Variants in NBEAL1 observed in about 807,000 individuals in gnomAD.
NBEAL1 encodes neurobeachin-like protein 1.
In NBEAL1, 273 loss-of-function variants were observed where a neutral mutation model predicts 351.3. The ratio of observed to expected loss-of-function variants is 0.78; its 90% CI spans 0.70 to 0.86. The LOEUF (loss-of-function observed/expected upper bound fraction) is 0.86, where lower values mean the gene tolerates loss of function less well. NBEAL1 is among the 40% of genes least tolerant of loss of function. The pLI is 0.00. For synonymous variants in NBEAL1, 1,050 were observed against 1,086.4 expected (o/e 0.97, Z 0.66); for missense variants, 2,961 against 3,201.3 (o/e 0.92, Z 1.81).
intron 27 of NBEAL1, among the ~76,000 whole-genome samples, chr2:203,134,652 AT>A (rs1490650043): frequency 6.6e-6 from 1 of 152,198 alleles, no homozygotes; most frequent in Non-Finnish European, 1.5e-5. Context: ...GTCTTAAAAG[AT>A]CTTAACTGAA....
chr2:203,214,203 C>T (rs1181299297), intron 55 of NBEAL1, among the ~76,000 whole-genome samples: 1 of 152,200 alleles, frequency 6.6e-6, no homozygotes. Context: ...TGTAGTTATA[C>T]TCCAGTAACT....
At chr2:203,065,664 A>G (rs2106117846) in intron 6 of NBEAL1, among the ~76,000 whole-genome samples, 1 of 152,104 alleles carries the variant, frequency 6.6e-6, no homozygotes, top group African/African-American at 2.4e-5. Flanking sequence ...AGGCAGGAGG[A>G]TGGTGTGAAC....
intron 35 of NBEAL1, among the ~76,000 whole-genome samples, 166 bp from the exon 36 acceptor site, chr2:203,157,533 G>A (rs1360944059): frequency 7.2e-5 from 11 of 151,902 alleles, no homozygotes; most frequent in Non-Finnish European, 5.9e-5. Context: ...GGTCAAAATC[G>A]CCATCAAACG....
intron 27 of NBEAL1, among the ~76,000 whole-genome samples, chr2:203,133,913 T>C (rs1392477060): frequency 2.0e-5 from 3 of 152,000 alleles, no homozygotes; most frequent in Admixed American, 1.3e-4. Flanking sequence ...GGCTATTTAA[T>C]AAAGTATTAT....
At chr2:203,191,096 T>C (rs1446131883) in intron 46 of NBEAL1, 1 of 1,597,338 alleles carries the variant, frequency 6.3e-7, no homozygotes, top group East Asian at 2.2e-5. Flanking sequence ...AATATCACTT[T>C]TGATGAGATC....
intron 2 of NBEAL1, among the ~76,000 whole-genome samples, chr2:203,034,221 G>A (rs1186531718): frequency 6.7e-6 from 1 of 149,352 alleles, no homozygotes; most frequent in African/African-American, 2.5e-5. Flanking sequence ...GCAGTAGAGC[G>A]ATCTTGGCTC....
At chr2:203,114,456 G>A (rs1376260812) in intron 17 of NBEAL1, among the ~76,000 whole-genome samples, 2 of 152,146 alleles carry the variant, frequency 1.3e-5, no homozygotes, top group Non-Finnish European at 2.9e-5. Context: ...TAGAATTAGG[G>A]AACCTTGGAT....
rs564322048 is a variant in NBEAL1, at chr2:203,209,703, TTTAA to T, written c.7785+387_7785+390del. Among the ~76,000 whole-genome samples the T allele has an allele frequency of 2.9e-3, 235 of 81,332 alleles. 1 individual carries two copies. Among genetic ancestry groups the T allele is most frequent in the African/African-American group, 7.9e-3 (222 of 28,176 alleles). The allele number at this position is 81,332 out of a possible 152,430, so 53.4% of individuals were successfully genotyped here. On this transcript the variant is annotated intron_variant, in intron 53 of 55. Transcript: ENST00000683969. ...TTCCTGTCAGTGACATCACTATTTA[TTTAA>T]TTAATATGTGTGTGTGTGTGTGTGT...
chr2:203,165,486 A>C (rs914921256), intron 36 of NBEAL1, among the ~76,000 whole-genome samples: 1 of 152,178 alleles, frequency 6.6e-6, no homozygotes, highest in African/African-American at 2.4e-5. Flanking sequence ...TTTGTGGGTC[A>C]ATTCATGTCT....
At chr2:203,159,781 A>G (rs1290932470) in intron 36 of NBEAL1, among the ~76,000 whole-genome samples, 1 of 152,094 alleles carries the variant, frequency 6.6e-6, no homozygotes, top group Non-Finnish European at 1.5e-5. Context: ...TCATATGATA[A>G]TTCTGTTTGA....
chr2:203,038,109 G>T (rs1443922264), intron 2 of NBEAL1, among the ~76,000 whole-genome samples: 2 of 149,020 alleles, frequency 1.3e-5, no homozygotes, highest in Non-Finnish European at 3.0e-5. Flanking sequence ...GTATTCCATT[G>T]TACGAATGTA....
At chr2:203,080,591 C>T (rs892273457) in intron 8 of NBEAL1, among the ~76,000 whole-genome samples, 1 of 152,024 alleles carries the variant, frequency 6.6e-6, no homozygotes, top group Non-Finnish European at 1.5e-5. Flanking sequence ...CTCCAGAGCA[C>T]TAGTGAAATT....
rs2062460773 is a variant in NBEAL1, at chr2:203,107,355, T to C, written c.1270-65T>C. 7.8e-6 allele frequency: 6 copies of C among 767,852 alleles called. No homozygotes were observed. The South Asian group carries it at 1.3e-4, about 16-fold the overall frequency. 47.6% of individuals were successfully genotyped at this position (767,852 alleles called of 1,614,324 possible). A position where few individuals can be genotyped will look rare whatever the true frequency, so the allele number is the denominator to read the frequency against. ...GCATAAATGAGTATTATTTAATATT[T>C]TTAATATTCCAACATATTCAGTCTT... On this transcript the variant is annotated intron_variant, in intron 12 of 55. Transcript: ENST00000683969.
chr2:203,178,137 G>A (rs1220856085), intron 42 of NBEAL1, among the ~76,000 whole-genome samples: 1 of 148,558 alleles, frequency 6.7e-6, no homozygotes, highest in Non-Finnish European at 1.5e-5. Flanking sequence ...GCACATAAAT[G>A]TTCATACCAG....
intron 12 of NBEAL1, among the ~76,000 whole-genome samples, chr2:203,103,629 A>G (rs2062374774): frequency 6.6e-6 from 1 of 151,824 alleles, no homozygotes; most frequent in African/African-American, 2.4e-5. Context: ...TGTTTTGGTT[A>G]GTTCTTGCCT....
chr2:203,180,977 C>T (rs2064701343), intron 43 of NBEAL1: 1 of 107,184 alleles, frequency 9.3e-6, no homozygotes, highest in South Asian at 3.4e-4. Flanking sequence ...TCGCTTTTCC[C>T]TTAGGCTGGA....
At position 203,057,509 on chromosome 2, in the gene NBEAL1, A is replaced by G. The variant is rs916686361; in HGVS notation, c.515+56A>G. On this transcript the variant is annotated intron_variant, in intron 6 of 55. Coordinates refer to ENST00000683969, the MANE Select transcript of NBEAL1 (RefSeq NM_001378026.1). Reference sequence around the variant, plus strand: ...AAACCTGAATGTCATAATATATTTGATTCTTCAAAGCAGGTCTTCTCTATG... The same window carrying G: ...AAACCTGAATGTCATAATATATTTGGTTCTTCAAAGCAGGTCTTCTCTATG... 2.1e-6 allele frequency: 3 copies of G among 1,446,830 alleles called. No homozygotes were observed. In the Admixed American group the frequency reaches 6.4e-5, roughly 31 times the overall value. The allele number at this position is 1,446,830 out of a possible 1,614,324, so 89.6% of individuals were successfully genotyped here.
chr2:203,144,884 G>A lies in NBEAL1; in HGVS notation c.5133G>A (p.Trp1711Ter). The change falls in exon 32 of 56, where the codon TGG becomes TGA. Residue 1711 changes from tryptophan (W) to a stop codon, truncating the protein, a stop_gained. Transcript: ENST00000683969. LOFTEE classifies it high-confidence loss of function. ...DFQEYCNSNEWQVYIEKYIVP... is the reference protein window; with the variant it reads ...DFQEYCNSNE ...AAGAATATTGTAATTCAAATGAATG[G>A]CAAGTTTACATTGAAAAATATGTAA... 2.5e-6 allele frequency: 4 copies of A among 1,594,866 alleles called. No homozygotes were observed. Among genetic ancestry groups the A allele is most frequent in the Non-Finnish European group, 3.4e-6 (4 of 1,172,886 alleles).
At chr2:203,056,866 G>A (rs1037500434) in intron 5 of NBEAL1, among the ~76,000 whole-genome samples, 1 of 152,092 alleles carries the variant, frequency 6.6e-6, no homozygotes, top group South Asian at 2.1e-4. Context: ...CCATTGTCTG[G>A]CCTACTATTT....
Sources: gnomAD v4.1 joint callset for allele counts (sites outside exome capture counted in the v4.1 genomes callset) on GRCh38, gnomAD v4.1.1 for gene constraint, MANE v1.5 for transcripts, NCBI Gene and HGNC (gene_info 2026-07-23, HGNC 2026-07-21) for gene names.